ZBTB7C: variants seen among roughly 807,000 people sequenced by gnomAD.
ZBTB7C encodes the protein zinc finger and BTB domain-containing protein 7C.
A neutral mutation model predicts 25.7 loss-of-function variants in ZBTB7C; 8 were observed. The observed-to-expected ratio is 0.31, with a 90% CI of 0.18 to 0.56. ZBTB7C has a LOEUF of 0.56. ZBTB7C is among the 20% of genes least tolerant of loss of function. The pLI, the probability that ZBTB7C is intolerant of heterozygous loss-of-function variation, is 0.91. For missense variants in ZBTB7C, 824 were observed against 855.2 expected, an observed-to-expected ratio of 0.96 and a Z score of 0.46; for synonymous variants, 394 against 369.0, an observed-to-expected ratio of 1.07 and a Z score of -0.78.
chr18:48,354,513 C>T (rs2046933890), intron 1 of ZBTB7C, among the ~76,000 whole-genome samples: 1 of 152,152 alleles, frequency 6.6e-6, no homozygotes, highest in Non-Finnish European at 1.5e-5. Context: ...TAAAAGGACA[C>T]ACCCCAGATG....
At chr18:48,345,970 A>G (rs2046721948) in intron 1 of ZBTB7C, among the ~76,000 whole-genome samples, 1 of 152,214 alleles carries the variant, frequency 6.6e-6, no homozygotes, top group Non-Finnish European at 1.5e-5. Context: ...GGAAATAACC[A>G]TTTATCTAGT....
chr18:48,186,573 G>A (rs915540430), intron 2 of ZBTB7C, among the ~76,000 whole-genome samples: 20 of 152,330 alleles, frequency 1.3e-4, no homozygotes, highest in East Asian at 3.9e-4. Context: ...CGTTCGGGGC[G>A]GGAGGGAGTT....
In ZBTB7C at chr18:48,129,025, C is replaced by T. The variant is rs117292203; in HGVS notation, c.-17+56909G>A. On this transcript the variant is annotated intron_variant, in intron 3 of 4. Coordinates refer to ENST00000590800, the MANE Select transcript of ZBTB7C (RefSeq NM_001318841.2). ...TAATAACTAGGTTTGGTCATCAGAA[C>T]GAGGGGATGAGGTGAGGGGTTTGAA... 9.3e-3 allele frequency among the ~76,000 whole-genome samples: 1,410 copies of T among 151,820 alleles called. 7 individuals carry two copies. Among genetic ancestry groups the T allele is most frequent in the Middle Eastern group, 0.024 (7 of 294 alleles).
At chr18:48,324,282 A>C (rs2046164887) in intron 2 of ZBTB7C, among the ~76,000 whole-genome samples, 1 of 152,130 alleles carries the variant, frequency 6.6e-6, no homozygotes, top group Non-Finnish European at 1.5e-5. Context: ...GCTGGAGTCA[A>C]CCCGGAGAAG....
chr18:48,315,147 C>T (rs908505603), intron 2 of ZBTB7C, among the ~76,000 whole-genome samples: 1 of 152,168 alleles, frequency 6.6e-6, no homozygotes, highest in Non-Finnish European at 1.5e-5. Flanking sequence ...TTGAGACACT[C>T]GGAACACAGC....
intron 3 of ZBTB7C, among the ~76,000 whole-genome samples, chr18:48,138,995 C>T (rs963281799): frequency 6.6e-6 from 1 of 152,186 alleles, no homozygotes; most frequent in South Asian, 2.1e-4. Flanking sequence ...AAAGCACAGG[C>T]GGACTGGAGA....
At chr18:48,066,740 C>G (rs1322867765) in intron 3 of ZBTB7C, among the ~76,000 whole-genome samples, 2 of 152,224 alleles carry the variant, frequency 1.3e-5, no homozygotes, top group African/African-American at 2.4e-5. Flanking sequence ...TCTCTTCAAG[C>G]TCTCACTGTG....
chr18:48,158,079 A>G (rs997079000), intron 3 of ZBTB7C, among the ~76,000 whole-genome samples: 5 of 152,112 alleles, frequency 3.3e-5, no homozygotes, highest in African/African-American at 9.7e-5. Flanking sequence ...CAGGCTGGAT[A>G]AATCTGTGCC....
chr18:48,408,741 A>G (rs1599065448), intron 1 of ZBTB7C: 2 of 151,260 alleles, frequency 1.3e-5, no homozygotes, highest in Admixed American at 1.3e-4. Context: ...GGCAGAAACC[A>G]CCTGTGGCTG....
At chr18:48,358,791 G>A (rs2047036032) in intron 1 of ZBTB7C, among the ~76,000 whole-genome samples, 1 of 152,168 alleles carries the variant, frequency 6.6e-6, no homozygotes, top group Admixed American at 6.5e-5. Context: ...ACAAGCCTGT[G>A]AATATACTAA....
At chr18:48,321,225 C>T (rs1214599120) in intron 2 of ZBTB7C, among the ~76,000 whole-genome samples, 1 of 152,212 alleles carries the variant, frequency 6.6e-6, no homozygotes, top group Non-Finnish European at 1.5e-5. Context: ...CCCTGTCCCT[C>T]TCCCTTGTGG....
At chr18:48,296,771 G>C (rs28734857) in intron 2 of ZBTB7C, among the ~76,000 whole-genome samples, 2 of 151,526 alleles carry the variant, frequency 1.3e-5, no homozygotes, top group African/African-American at 4.9e-5. Flanking sequence ...GGAGGTGAGC[G>C]GCGGGTGGAG....
chr18:48,113,341 A>T lies in ZBTB7C; in HGVS notation c.-16-72218T>A, dbSNP rs527672407. Among the ~76,000 whole-genome samples, 14 of 152,370 alleles carry T rather than the reference A, an allele frequency of 9.2e-5. 1 individual carries two copies. The highest frequency in any genetic ancestry group is 3.4e-4 in the African/African-American group (14 of 41,596). On this transcript the variant is annotated intron_variant, in intron 3 of 4. Transcript: ENST00000590800. ...ATGAACAAGTGAAACTACCCCCATC[A>T]CAAGGAAAAACCATCATGGTTAGTT...
At chr18:48,245,593 C>G (rs2043669143) in intron 2 of ZBTB7C, among the ~76,000 whole-genome samples, 1 of 151,492 alleles carries the variant, frequency 6.6e-6, no homozygotes, top group Admixed American at 6.6e-5. Context: ...GAAAGTATCT[C>G]AAGCATCTTT....
At chr18:48,324,587 A>G (rs2046174823) in intron 2 of ZBTB7C, among the ~76,000 whole-genome samples, 1 of 152,176 alleles carries the variant, frequency 6.6e-6, no homozygotes, top group South Asian at 2.1e-4. Flanking sequence ...TGAGTTCATA[A>G]GGGCAGAGAA....
In ZBTB7C at chr18:48,405,776, G is replaced by A. The variant is rs554608137; in HGVS notation, c.-304+3450C>T. On this transcript the variant is annotated intron_variant, in intron 1 of 4. Transcript: ENST00000590800. ...CCCTGCAGGATGCTGCACACAGGCC[G>A]GGGTTCACTCCTGTACCCTCCCTGC... Among the ~76,000 whole-genome samples the A allele has an allele frequency of 5.1e-4, 75 of 147,246 alleles. 2 individuals carry two copies. The highest frequency in any genetic ancestry group is 7.2e-3 in the Middle Eastern group (2 of 278).
chr18:48,252,337 T>C (rs1257650034), intron 2 of ZBTB7C: 2 of 152,224 alleles, frequency 1.3e-5, no homozygotes, highest in Non-Finnish European at 2.9e-5. Flanking sequence ...TATTGTGAGT[T>C]GGGACAACTT....
chr18:48,225,147 C>T (rs1259271962), intron 2 of ZBTB7C, among the ~76,000 whole-genome samples: 1 of 152,158 alleles, frequency 6.6e-6, no homozygotes, highest in Non-Finnish European at 1.5e-5. Flanking sequence ...TAAATACTCC[C>T]CATCTACAAC....
Position 48,029,366 on chromosome 18 carries a change from G to A in ZBTB7C, c.1754C>T (p.Ala585Val), listed in dbSNP as rs929853542. 6 of 1,548,060 alleles carry A rather than the reference G, an allele frequency of 3.9e-6. No homozygotes were observed. The highest frequency in any genetic ancestry group is 2.7e-5 in the African/African-American group (2 of 72,920). Residue 585 changes from alanine (A) to valine (V), a missense_variant, in exon 5 of 5, where the codon GCG becomes GTG. Coordinates refer to ENST00000590800, the MANE Select transcript of ZBTB7C (RefSeq NM_001318841.2). Reference sequence around the variant, plus strand: ...GTCGGGCAGCGGGAAGTAGGGCCGCGCCGCCGCCACGTTCTCGGCCAGCGC... The same window carrying A: ...GTCGGGCAGCGGGAAGTAGGGCCGCACCGCCGCCACGTTCTCGGCCAGCGC... Reference protein sequence around the residue: ...AFALAENVAAARPYFPLPDPW... With the variant: ...AFALAENVAAVRPYFPLPDPW...
Sources: gnomAD v4.1 joint callset for allele counts (sites outside exome capture counted in the v4.1 genomes callset) on GRCh38, gnomAD v4.1.1 for gene constraint, MANE v1.5 for transcripts, NCBI Gene and HGNC (gene_info 2026-07-23, HGNC 2026-07-21) for gene names.